CNTN5: variants seen among roughly 807,000 people sequenced by gnomAD.
CNTN5 encodes contactin 5, also known as contactin-5.
In CNTN5, 77 loss-of-function variants were observed where a neutral mutation model predicts 129.1. The observed-to-expected ratio is 0.60, with a 90% CI of 0.50 to 0.72. The LOEUF is 0.72. Ranked by LOEUF, CNTN5 falls within the 30% of genes least tolerant of loss-of-function variation. CNTN5 has a pLI of 0.00. For synonymous variants in CNTN5, 509 were observed against 465.6 expected, an observed-to-expected ratio of 1.09 and a Z score of -1.20; for missense variants, 1,478 against 1,328.8, an observed-to-expected ratio of 1.11 and a Z score of -1.75.
chr11:99,270,753 G>A (rs1379389443), intron 1 of CNTN5, among the ~76,000 whole-genome samples: 1 of 151,994 alleles, frequency 6.6e-6, no homozygotes, highest in Non-Finnish European at 1.5e-5. Context: ...TATTTGAGAA[G>A]AAATAATACT....
intron 1 of CNTN5, among the ~76,000 whole-genome samples, chr11:99,114,873 T>A (rs994819826): frequency 2.6e-5 from 4 of 152,168 alleles, no homozygotes; most frequent in South Asian, 2.1e-4. Context: ...CCCTGAAACG[T>A]ATATGTTAAG....
At chr11:99,072,481 G>A (rs1464606288) in intron 1 of CNTN5, among the ~76,000 whole-genome samples, 1 of 151,968 alleles carries the variant, frequency 6.6e-6, no homozygotes, top group Non-Finnish European at 1.5e-5. Context: ...TTAATTTGAA[G>A]GACATAATAC....
At chr11:99,277,767 T>C (rs1430106856) in intron 1 of CNTN5, among the ~76,000 whole-genome samples, 1 of 151,664 alleles carries the variant, frequency 6.6e-6, no homozygotes, top group Non-Finnish European at 1.5e-5. Flanking sequence ...ACATGTATTA[T>C]AGTGACTTAG....
intron 2 of CNTN5, among the ~76,000 whole-genome samples, chr11:99,394,183 C>A (rs1941405996): frequency 6.6e-6 from 1 of 151,642 alleles, no homozygotes; most frequent in Admixed American, 6.6e-5. Flanking sequence ...TGAATATCAA[C>A]TTGTGTATAT....
chr11:99,529,075 C>A (rs1947600319), intron 2 of CNTN5, among the ~76,000 whole-genome samples: 1 of 150,920 alleles, frequency 6.6e-6, no homozygotes, highest in Non-Finnish European at 1.5e-5. Flanking sequence ...AACTGAGTCT[C>A]AAAAAACAAA....
chr11:100,061,348 A>C lies in CNTN5; in HGVS notation c.1117A>C (p.Asn373His), dbSNP rs1565203985. 6.2e-7 allele frequency: 1 copy of C among 1,603,370 alleles called. No individual in the cohort carries two copies. The highest frequency in any genetic ancestry group is 8.5e-7 in the Non-Finnish European group (1 of 1,171,826). Residue 373 changes from asparagine (N) to histidine (H), a missense_variant, in exon 10 of 25, where the codon AAC (asparagine) becomes CAC (histidine). Physicochemically the swap from Asn to His is moderately conservative, Grantham distance 68. Coordinates refer to ENST00000524871, the MANE Select transcript of CNTN5 (RefSeq NM_014361.4). Reference protein sequence around the residue: ...DAGIYECRAENSRGKNSFRGQ... With the variant: ...DAGIYECRAEHSRGKNSFRGQ... ...AGGCATTTATGAGTGCAGAGCTGAA[A>C]ACTCACGTGGAAAAAATTCCTTTCG... is the stretch of plus-strand genomic sequence containing the variant.
chr11:99,841,625 C>T (rs2135676625), intron 4 of CNTN5, among the ~76,000 whole-genome samples: 1 of 150,696 alleles, frequency 6.6e-6, no homozygotes, highest in African/African-American at 2.4e-5. Context: ...GCAGAAGCAG[C>T]ATCAGCAGAA....
chr11:100,009,180 C>A (rs925008256), intron 9 of CNTN5, among the ~76,000 whole-genome samples: 7 of 152,042 alleles, frequency 4.6e-5, no homozygotes, highest in Admixed American at 2.6e-4. Flanking sequence ...CCTAAAGAAA[C>A]CTCTACTTAA....
At chr11:100,217,603 A>G (rs11223274) in intron 15 of CNTN5, among the ~76,000 whole-genome samples, 30,538 of 152,112 alleles carry the variant, frequency 0.2, 3,476 homozygotes, top group Non-Finnish European at 0.26. Context: ...TGTAACTTCA[A>G]TGAGAGGTAT....
chr11:99,645,689 A>G (rs1024912687), intron 3 of CNTN5, among the ~76,000 whole-genome samples: 1 of 152,136 alleles, frequency 6.6e-6, no homozygotes, highest in African/African-American at 2.4e-5. Context: ...TCAGGAAACT[A>G]ACACAGGAAC....
At chr11:99,640,580 C>A (rs1474065800) in intron 3 of CNTN5, among the ~76,000 whole-genome samples, 3 of 152,138 alleles carry the variant, frequency 2.0e-5, no homozygotes, top group Non-Finnish European at 4.4e-5. Context: ...GGGACACAGC[C>A]AAATCATGTC....
At chr11:99,364,101 A>C (rs1323310632) in intron 2 of CNTN5, among the ~76,000 whole-genome samples, 1 of 152,176 alleles carries the variant, frequency 6.6e-6, no homozygotes, top group Non-Finnish European at 1.5e-5. Context: ...GAAAGGAAAC[A>C]AAATAAGCTT....
chr11:99,178,314 C>CCACACACACACA (rs71046672), intron 1 of CNTN5, among the ~76,000 whole-genome samples: 1 of 125,468 alleles, frequency 8.0e-6, no homozygotes, highest in Non-Finnish European at 1.7e-5. Flanking sequence ...GACCTCATCT[C>CCACACACACACA]CACACACACA....
At chr11:99,135,018 T>C (rs539722145) in intron 1 of CNTN5, among the ~76,000 whole-genome samples, 1 of 152,204 alleles carries the variant, frequency 6.6e-6, no homozygotes, top group East Asian at 1.9e-4. Context: ...ATGATGAACA[T>C]TTATTCCACT....
intron 7 of CNTN5, among the ~76,000 whole-genome samples, chr11:99,940,624 A>G (rs1489880729): frequency 1.3e-5 from 2 of 152,090 alleles, no homozygotes; most frequent in African/African-American, 2.4e-5. Context: ...AAAATTATTG[A>G]TGAAAGTATT....
At chr11:99,408,367 CAAAA>C (rs765731039) in intron 2 of CNTN5, among the ~76,000 whole-genome samples, 6,997 of 67,102 alleles carry the variant, frequency 0.1, 278 homozygotes, top group African/African-American at 0.18. Context: ...ACCAGGCTAC[CAAAA>C]AAAAAAAAAA....
chr11:99,775,796 CTTGA>C (rs72411418), intron 3 of CNTN5, among the ~76,000 whole-genome samples: 34,788 of 151,388 alleles, frequency 0.23, 4,666 homozygotes, highest in Non-Finnish European at 0.32. Context: ...TATATACGAT[CTTGA>C]TTGATTATCA....
intron 2 of CNTN5, among the ~76,000 whole-genome samples, chr11:99,514,878 T>C (rs1946986141): frequency 6.6e-6 from 1 of 152,004 alleles, no homozygotes; most frequent in African/African-American, 2.4e-5. Flanking sequence ...AACTGAAAAC[T>C]GAAAACTTTT....
At chr11:100,226,788 CTG>C (rs1431542113) in intron 16 of CNTN5, among the ~76,000 whole-genome samples, 20 of 152,122 alleles carry the variant, frequency 1.3e-4, no homozygotes, top group Admixed American at 1.3e-3. Context: ...TTTACAGCTC[CTG>C]GTAATTCAAC....
Sources: gnomAD v4.1 joint callset for allele counts (sites outside exome capture counted in the v4.1 genomes callset) on GRCh38, gnomAD v4.1.1 for gene constraint, MANE v1.5 for transcripts, NCBI Gene and HGNC (gene_info 2026-07-23, HGNC 2026-07-21) for gene names.